OXSR1: variants seen among roughly 807,000 people sequenced by gnomAD.
OXSR1 encodes the protein serine/threonine-protein kinase OSR1.
A neutral mutation model predicts 79.8 loss-of-function variants in OXSR1; 24 were observed. The ratio of observed to expected loss-of-function variants is 0.30; its 90% CI spans 0.22 to 0.42. The LOEUF is 0.42. Ranked by LOEUF, OXSR1 falls within the 10% of genes least tolerant of loss-of-function variation. The pLI is 1.00. For missense variants in OXSR1, 430 were observed against 618.4 expected, an observed-to-expected ratio of 0.70 and a Z score of 3.23; for synonymous variants, 226 against 209.2, an observed-to-expected ratio of 1.08 and a Z score of -0.69.
intron 13 of OXSR1, among the ~76,000 whole-genome samples, chr3:38,246,662 G>A (rs553300348): frequency 9.7e-4 from 147 of 152,160 alleles, no homozygotes; most frequent in African/African-American, 2.7e-3. Flanking sequence ...TGTCAATTTT[G>A]TGAGGGTTGG....
rs1703317751 is a variant in OXSR1, at chr3:38,254,331, A to T, written c.*1440A>T. On this transcript the variant is annotated 3_prime_UTR_variant, in exon 18 of 18. Transcript: ENST00000311806. ...ACCTTCCCCACAAATAACTTGTCAC[A>T]CCTTTTGTTTCATTCTGAGTCTTTA... The T allele has an allele frequency of 2.5e-6, 1 of 397,612 alleles. No individual in the cohort carries two copies. The highest frequency in any genetic ancestry group is 2.1e-5 in the African/African-American group (1 of 48,560). The allele number at this position is 397,612 out of a possible 1,614,324, so 24.6% of individuals were successfully genotyped here.
intron 4 of OXSR1, among the ~76,000 whole-genome samples, chr3:38,205,549 A>T (rs1488697911): frequency 6.6e-6 from 1 of 152,162 alleles, no homozygotes; most frequent in Admixed American, 6.5e-5. Context: ...TTTGGCCAAG[A>T]ATATGTTCGT....
At chr3:38,174,530 C>T (rs529990851) in intron 1 of OXSR1, among the ~76,000 whole-genome samples, 2 of 152,126 alleles carry the variant, frequency 1.3e-5, no homozygotes, top group South Asian at 2.1e-4. Flanking sequence ...TGCAGTGAGC[C>T]GAGATGGCGC....
intron 1 of OXSR1, among the ~76,000 whole-genome samples, chr3:38,179,613 C>T (rs761316412): frequency 6.6e-6 from 1 of 152,154 alleles, no homozygotes; most frequent in Non-Finnish European, 1.5e-5. Flanking sequence ...GTACAATTGT[C>T]CCTCAGTATA....
At chr3:38,217,349 G>T (rs1204924205) in intron 5 of OXSR1, among the ~76,000 whole-genome samples, 1 of 152,170 alleles carries the variant, frequency 6.6e-6, no homozygotes, top group Non-Finnish European at 1.5e-5. Flanking sequence ...TTTCATTACA[G>T]TTGAAGATAT....
intron 2 of OXSR1, among the ~76,000 whole-genome samples, chr3:38,186,786 C>T (rs1683264110): frequency 6.6e-6 from 1 of 152,162 alleles, no homozygotes; most frequent in Non-Finnish European, 1.5e-5. Flanking sequence ...TGCAAGTCTT[C>T]ATATGTACAT....
At chr3:38,174,117 A>G (rs1701634154) in intron 1 of OXSR1, among the ~76,000 whole-genome samples, 1 of 152,252 alleles carries the variant, frequency 6.6e-6, no homozygotes, top group African/African-American at 2.4e-5. Context: ...AGTAAATCAG[A>G]AGGTGAAGAG....
intron 5 of OXSR1, among the ~76,000 whole-genome samples, chr3:38,218,109 C>T (rs982873274): frequency 6.6e-6 from 1 of 152,052 alleles, no homozygotes; most frequent in Admixed American, 6.6e-5. Flanking sequence ...TTCTTGCTTT[C>T]ATTTCTTTTG....
chr3:38,229,794 T>G, intron 9 of OXSR1, 59 bp downstream of exon 9: 1 of 1,235,128 alleles, frequency 8.1e-7, no homozygotes, highest in South Asian at 1.2e-5. Context: ...ATTACTCAGA[T>G]TATGTTCAGT....
intron 4 of OXSR1, among the ~76,000 whole-genome samples, chr3:38,203,621 T>C (rs780344817): frequency 2.0e-5 from 3 of 152,166 alleles, no homozygotes; most frequent in Non-Finnish European, 4.4e-5. Flanking sequence ...GATAAGATCC[T>C]GGGGAATTCT....
chr3:38,194,375 G>A (rs1250666918), intron 3 of OXSR1, among the ~76,000 whole-genome samples: 1 of 152,076 alleles, frequency 6.6e-6, no homozygotes, highest in Non-Finnish European at 1.5e-5. Context: ...AACATGGCAA[G>A]ACCCTGTCTC....
intron 8 of OXSR1, among the ~76,000 whole-genome samples, chr3:38,228,135 T>G (rs1415532282): frequency 6.6e-6 from 1 of 152,186 alleles, no homozygotes. Context: ...CTCATGACTG[T>G]GACTTTAACC....
chr3:38,219,175 A>G (rs1480312650), intron 5 of OXSR1, among the ~76,000 whole-genome samples: 1 of 152,134 alleles, frequency 6.6e-6, no homozygotes, highest in African/African-American at 2.4e-5. Context: ...GGGTATTATC[A>G]CTTACATTCC....
intron 13 of OXSR1, 42 bp from the exon 14 acceptor site, chr3:38,247,626 A>C (rs902995469): frequency 2.1e-6 from 3 of 1,439,176 alleles, no homozygotes; most frequent in Middle Eastern, 1.8e-4. Flanking sequence ...CTCCCCACTT[A>C]ATGTTTCAGG....
intron 7 of OXSR1, 62 bp downstream of exon 7, chr3:38,223,975 G>T (rs1214728144): frequency 5.1e-6 from 5 of 982,882 alleles, no homozygotes; most frequent in Non-Finnish European, 4.6e-6. Context: ...AGAGCCATTT[G>T]CCAGTCTTTT....
chr3:38,183,034 T>G lies in OXSR1; in HGVS notation c.102T>G (p.Ala34=), dbSNP rs1213489220. The change falls in exon 2 of 18, where the codon GCT becomes GCG. Residue 34 remains alanine (A), a synonymous_variant. Coordinates refer to ENST00000311806, the MANE Select transcript of OXSR1 (RefSeq NM_005109.3). ...GSGATAVVQA[A]YCAPKKEKVA... Reference sequence around the variant, plus strand: ...GAGCAACTGCTGTAGTCCAAGCAGCTTATTGTGCCCCTAAAAAGGAGAAAG... The same window carrying G: ...GAGCAACTGCTGTAGTCCAAGCAGCGTATTGTGCCCCTAAAAAGGAGAAAG... 6.2e-7 allele frequency: 1 copy of G among 1,612,946 alleles called. No individual in the cohort carries two copies. Among genetic ancestry groups the G allele is most frequent in the African/African-American group, 1.3e-5 (1 of 74,906 alleles).
chr3:38,184,954 G>GTTTTTTTTTTTTTTTTT (rs1559503629), intron 2 of OXSR1, among the ~76,000 whole-genome samples: 4 of 96,226 alleles, frequency 4.2e-5, no homozygotes, highest in African/African-American at 8.2e-5. Context: ...TTTTTTTTGG[G>GTTTTTTTTTTTTTTTTT]TTTCTTTGAG....
intron 6 of OXSR1, 22 bp from the exon 7 acceptor site, chr3:38,223,790 A>G (rs202064487): frequency 1.9e-6 from 3 of 1,547,498 alleles, no homozygotes; most frequent in Admixed American, 1.7e-5. Flanking sequence ...GGTAAAAATA[A>G]TCATGCAAAT....
chr3:38,207,718 T>C (rs907716473), intron 4 of OXSR1, among the ~76,000 whole-genome samples: 12 of 152,158 alleles, frequency 7.9e-5, no homozygotes, highest in African/African-American at 2.9e-4. Context: ...AACTAGGAAG[T>C]TGTAGAAACC....
Sources: gnomAD v4.1 joint callset for allele counts (sites outside exome capture counted in the v4.1 genomes callset) on GRCh38, gnomAD v4.1.1 for gene constraint, MANE v1.5 for transcripts, NCBI Gene and HGNC (gene_info 2026-07-23, HGNC 2026-07-21) for gene names.